The following COX18 variants were observed in gnomAD, a reference collection of about 807,000 sequenced individuals.
COX18 encodes cytochrome c oxidase assembly factor COX18, also known as cytochrome c oxidase assembly protein COX18, mitochondrial.
Under a neutral mutation model 38.0 loss-of-function variants are expected in COX18, and 45 were observed. The ratio of observed to expected loss-of-function variants is 1.18; its 90% CI spans 0.93 to 1.52. COX18 has a LOEUF of 1.52. Among genes scored for constraint, COX18 ranks in the 40% most tolerant of loss-of-function variants. The pLI, the probability that COX18 is intolerant of heterozygous loss-of-function variation, is 0.00. For synonymous variants in COX18, 177 were observed against 169.8 expected, an observed-to-expected ratio of 1.04 and a Z score of -0.33; for missense variants, 462 against 423.8, an observed-to-expected ratio of 1.09 and a Z score of -0.79.
chr4:73,063,880 A>G (rs1364674426), intron 4 of COX18, among the ~76,000 whole-genome samples: 1 of 152,238 alleles, frequency 6.6e-6, no homozygotes, highest in Non-Finnish European at 1.5e-5. Flanking sequence ...ATCATTTTTA[A>G]GATTTCTTCC....
At chr4:73,069,756 G>C, upstream of COX18, 3 of 1,088,808 alleles carry the variant, frequency 2.8e-6, no homozygotes, top group Non-Finnish European at 3.9e-6. Flanking sequence ...GGCATAAAGC[G>C]CATGCGCGCC....
chr4:73,061,446 C>A (rs146240759), intron 5 of COX18, among the ~76,000 whole-genome samples: 1 of 152,090 alleles, frequency 6.6e-6, no homozygotes, highest in Non-Finnish European at 1.5e-5. Flanking sequence ...CGGTGGCTCA[C>A]GCCTGTAATC....
At position 73,061,845 on chromosome 4, in the gene COX18, A is replaced by G; in HGVS notation, c.799T>C (p.Leu267=). 1 of 1,613,638 alleles carries G rather than the reference A, an allele frequency of 6.2e-7. No individual in the cohort carries two copies. The highest frequency in any genetic ancestry group is 1.1e-5 in the South Asian group (1 of 91,046). ...ACCGTTGCAGCAATTGGTATCATCA[A>G]CACCGACATTGCACGGACAAAGTAC... ...ITYFVRAMSV[L]MIPIAATVPS... is the part of the protein sequence containing the mutation. Residue 267 remains leucine (L), a synonymous_variant, in exon 5 of 6, where the codon TTG becomes CTG. Coordinates refer to ENST00000507544, the MANE Select transcript of COX18 (RefSeq NM_001297732.2).
Position 73,064,946 on chromosome 4 carries a change from G to C in COX18, c.599-44C>G. 3 of 1,583,104 alleles carry C rather than the reference G, an allele frequency of 1.9e-6. No individual in the cohort carries two copies. In the South Asian group the frequency reaches 3.4e-5, roughly 18 times the overall value. On this transcript the variant is annotated intron_variant, in intron 3 of 5. Transcript: ENST00000507544. The stretch of plus-strand genomic sequence containing the variant: ...TAAAACAATAGAAGTCCTAAAAATA[G>C]CAGAGAAAAATATATAAGACATAAA...
chr4:73,056,507 T>A lies in COX18; in HGVS notation c.*1607A>T, dbSNP rs1436944972. 1 of 152,248 alleles carries A rather than the reference T, an allele frequency of 6.6e-6. No homozygotes were observed. Among genetic ancestry groups the A allele is most frequent in the Non-Finnish European group, 1.5e-5 (1 of 68,054 alleles). The allele number at this position is 152,248 out of a possible 1,614,324, so 9.4% of individuals were successfully genotyped here. A position where few individuals can be genotyped will look rare whatever the true frequency, so the allele number is the denominator to read the frequency against. On this transcript the variant is annotated 3_prime_UTR_variant, in exon 6 of 6. Transcript: ENST00000507544. Reference sequence around the variant, plus strand: ...ACTTCTTAAATTATAGAAAAAGGAATGTACACTTTTTGTATTCTTTCTGAG... The same window carrying A: ...ACTTCTTAAATTATAGAAAAAGGAAAGTACACTTTTTGTATTCTTTCTGAG...
chr4:73,060,159 T>C (rs1054674864), intron 5 of COX18, among the ~76,000 whole-genome samples: 3 of 152,252 alleles, frequency 2.0e-5, no homozygotes, highest in Non-Finnish European at 4.4e-5. Flanking sequence ...CTCATCTTCA[T>C]GGACTTGTCT....
rs907862664 is a variant in COX18, at chr4:73,056,318, A to T, written c.*1796T>A. On this transcript the variant is annotated 3_prime_UTR_variant, in exon 6 of 6. Coordinates refer to ENST00000507544, the MANE Select transcript of COX18 (RefSeq NM_001297732.2). ...TTTTTCTGTATTAAACCTCTATCAT[A>T]GTTTAAGCCTATTAGGGTACTTAAT... The T allele has an allele frequency of 3.9e-5, 6 of 152,216 alleles. No individual in the cohort carries two copies. The highest frequency in any genetic ancestry group is 7.3e-5 in the Non-Finnish European group (5 of 68,036). 9.4% of individuals were successfully genotyped at this position (152,216 alleles called of 1,614,324 possible). A position where few individuals can be genotyped will look rare whatever the true frequency, so the allele number is the denominator to read the frequency against.
chr4:73,060,803 C>T (rs955363740), intron 5 of COX18, among the ~76,000 whole-genome samples: 1 of 151,538 alleles, frequency 6.6e-6, no homozygotes, highest in African/African-American at 2.4e-5. Flanking sequence ...CCACTTGAAC[C>T]CAGGAGGAGG....
In COX18 at chr4:73,069,474, G is replaced by GC. The variant is rs771622821; in HGVS notation, c.175dup (p.Ala59GlyfsTer69). 1.9e-6 allele frequency: 3 copies of GC among 1,592,446 alleles called. No individual in the cohort carries two copies. The highest frequency in any genetic ancestry group is 2.6e-6 in the Non-Finnish European group (3 of 1,170,818). On this transcript the variant is annotated frameshift_variant, in exon 1 of 6. Transcript: ENST00000507544. LOFTEE classifies it high-confidence loss of function. ...CGCAACCCGCACCGGCGAAGACGCGGCCAGGGCCTCGTACCAGCCGTTCGC... is the reference window on the plus strand; with the variant it reads ...CGCAACCCGCACCGGCGAAGACGCGGCCCAGGGCCTCGTACCAGCCGTTCGC...
rs1015905603 is a variant in COX18 at position 73,057,674 on chromosome 4, C to CT, written c.*439dup. On this transcript the variant is annotated 3_prime_UTR_variant, in exon 6 of 6. Coordinates refer to ENST00000507544, the MANE Select transcript of COX18 (RefSeq NM_001297732.2). ...ACTGTCAAATATATCTGGATTACAT[C>CT]TTTTTTTTTTCTTTGATAGCGTTTC... The CT allele has an allele frequency of 2.5e-3, 382 of 150,294 alleles. 3 individuals are homozygous for CT. Among genetic ancestry groups the CT allele is most frequent in the African/African-American group, 8.3e-3 (338 of 40,842 alleles). The allele number at this position is 150,294 out of a possible 1,614,324, so 9.3% of individuals were successfully genotyped here. A position where few individuals can be genotyped will look rare whatever the true frequency, so the allele number is the denominator to read the frequency against.
intron 2 of COX18, among the ~76,000 whole-genome samples, chr4:73,067,085 G>A (rs1720483061): frequency 6.6e-6 from 1 of 152,164 alleles, no homozygotes; most frequent in African/African-American, 2.4e-5. Flanking sequence ...ACATCCTTGG[G>A]CGCAATCAAG....
At chr4:73,068,670 G>A (rs1720592537) in intron 1 of COX18, 1 of 153,018 alleles carries the variant, frequency 6.5e-6, no homozygotes. Flanking sequence ...CTGAAAACAA[G>A]AAAGCCACTA....
Position 73,062,044 on chromosome 4 carries a change from T to TAC in COX18, c.724-126_724-125dup, listed in dbSNP as rs112038361. On this transcript the variant is annotated intron_variant, in intron 4 of 5. Transcript: ENST00000507544. ...TACACTTTAATAAAAGTTATATATA[T>TAC]ACACACAAAACACTGATTAATTTAT... is the stretch of plus-strand genomic sequence containing the variant. 8.6e-4 allele frequency: 512 copies of TAC among 592,950 alleles called. 2 individuals are homozygous for TAC. Among genetic ancestry groups the TAC allele is most frequent in the African/African-American group, 8.3e-3 (440 of 52,838 alleles). The allele number at this position is 592,950 out of a possible 1,614,324, so 36.7% of individuals were successfully genotyped here.
intron 5 of COX18, among the ~76,000 whole-genome samples, chr4:73,058,557 TTATC>T (rs1021027567): frequency 2.0e-5 from 3 of 152,184 alleles, no homozygotes; most frequent in Non-Finnish European, 4.4e-5. Context: ...AAGAGAGATC[TTATC>T]TCCCTTCTTC....
chr4:73,058,014 T>C lies in COX18; in HGVS notation c.*100A>G, dbSNP rs1301459756. 1.2e-4 allele frequency: 105 copies of C among 883,970 alleles called. No individual in the cohort carries two copies. Among genetic ancestry groups the C allele is most frequent in the Non-Finnish European group, 4.9e-5 (28 of 568,068 alleles). 54.8% of individuals were successfully genotyped at this position (883,970 alleles called of 1,614,324 possible). A position where few individuals can be genotyped will look rare whatever the true frequency, so the allele number is the denominator to read the frequency against. ...TACAATATTTCATGAAGTTAATGATTTTAAATAAAAGGAAATCAAGTAACA... is the reference window on the plus strand; with the variant it reads ...TACAATATTTCATGAAGTTAATGATCTTAAATAAAAGGAAATCAAGTAACA... On this transcript the variant is annotated 3_prime_UTR_variant, in exon 6 of 6. Transcript: ENST00000507544.
intron 5 of COX18, among the ~76,000 whole-genome samples, chr4:73,061,457 C>T (rs989787109): frequency 2.0e-5 from 3 of 151,234 alleles, no homozygotes; most frequent in African/African-American, 7.3e-5. Context: ...GCCTGTAATC[C>T]CAGCACTTTC....
At chr4:73,059,372 A>ACTGCATCTAC (rs1398866089) in intron 5 of COX18, among the ~76,000 whole-genome samples, 3 of 152,230 alleles carry the variant, frequency 2.0e-5, no homozygotes, top group Admixed American at 2.0e-4. Context: ...GGGGACAGTA[A>ACTGCATCTAC]CTGCATCTAC....
chr4:73,065,124 T>C, intron 3 of COX18, 126 bp downstream of exon 3: 1 of 993,522 alleles, frequency 1.0e-6, no homozygotes, highest in Admixed American at 2.8e-5. Context: ...TTAAATTCTA[T>C]ACCCTTATAA....
At chr4:73,062,977 G>C (rs2110053648) in intron 4 of COX18, among the ~76,000 whole-genome samples, 1 of 152,168 alleles carries the variant, frequency 6.6e-6, no homozygotes, top group South Asian at 2.1e-4. Flanking sequence ...GTTATTCCAA[G>C]AAGTAAATGA....
Sources: gnomAD v4.1 joint callset for allele counts (sites outside exome capture counted in the v4.1 genomes callset) on GRCh38, gnomAD v4.1.1 for gene constraint, MANE v1.5 for transcripts, NCBI Gene and HGNC (gene_info 2026-07-23, HGNC 2026-07-21) for gene names.